TMEM117: variants seen among roughly 807,000 people sequenced by gnomAD.
TMEM117 encodes the protein transmembrane protein 117.
TMEM117 carries 27 observed loss-of-function variants against 52.4 expected under a neutral mutation model. That is an observed-to-expected ratio of 0.51 (90% CI 0.38 to 0.71). The LOEUF (loss-of-function observed/expected upper bound fraction) is 0.71, where lower values mean the gene tolerates loss of function less well. Among genes scored for constraint, TMEM117 ranks in the 30% least tolerant of loss-of-function variants. The pLI is 0.00. For synonymous variants in TMEM117, 215 were observed against 206.3 expected (o/e 1.04, Z -0.36); for missense variants, 556 against 630.5 (o/e 0.88, Z 1.26).
intron 4 of TMEM117, among the ~76,000 whole-genome samples, chr12:44,205,921 G>A (rs2138382077): frequency 6.6e-6 from 1 of 152,194 alleles, no homozygotes; most frequent in East Asian, 1.9e-4. Flanking sequence ...CATATGCCGA[G>A]ACCAGCTCTG....
At chr12:44,229,794 A>G (rs1949910086) in intron 5 of TMEM117, among the ~76,000 whole-genome samples, 1 of 152,160 alleles carries the variant, frequency 6.6e-6, no homozygotes, top group South Asian at 2.1e-4. Flanking sequence ...CTACATTGGA[A>G]GAAAATTTGT....
intron 5 of TMEM117, among the ~76,000 whole-genome samples, chr12:44,298,845 G>C (rs746100476): frequency 6.6e-6 from 1 of 150,684 alleles, no homozygotes; most frequent in Non-Finnish European, 1.5e-5. Flanking sequence ...AAGTCTTAGA[G>C]ATGGTGATGA....
At chr12:44,295,617 A>C (rs868441568) in intron 5 of TMEM117, among the ~76,000 whole-genome samples, 18 of 150,028 alleles carry the variant, frequency 1.2e-4, no homozygotes, top group African/African-American at 4.2e-4. Flanking sequence ...TAAATATGAT[A>C]TTGTAGCTCT....
intron 6 of TMEM117, among the ~76,000 whole-genome samples, chr12:44,330,732 A>G (rs971059054): frequency 6.6e-6 from 1 of 152,036 alleles, no homozygotes; most frequent in East Asian, 1.9e-4. Context: ...AAAACAACCA[A>G]TGATCATATG....
intron 4 of TMEM117, among the ~76,000 whole-genome samples, chr12:44,155,421 T>A (rs1948812465): frequency 6.6e-6 from 1 of 152,112 alleles, no homozygotes; most frequent in Non-Finnish European, 1.5e-5. Flanking sequence ...TCCCTAGACT[T>A]GCTGGTTTGG....
intron 2 of TMEM117, among the ~76,000 whole-genome samples, chr12:43,887,887 C>A (rs1944026049): frequency 6.6e-6 from 1 of 152,138 alleles, no homozygotes; most frequent in Non-Finnish European, 1.5e-5. Flanking sequence ...GCAGGTGAGA[C>A]CATTTGTTTG....
chr12:44,274,581 G>A (rs1332085104), intron 5 of TMEM117, among the ~76,000 whole-genome samples: 1 of 152,076 alleles, frequency 6.6e-6, no homozygotes, highest in Non-Finnish European at 1.5e-5. Context: ...AACCAAAACA[G>A]CATACTACTG....
In TMEM117 at chr12:44,291,050, G is replaced by A. The variant is rs145125866; in HGVS notation, c.609-8530G>A. Among the ~76,000 whole-genome samples, 856 of 152,224 alleles carry A rather than the reference G, an allele frequency of 5.6e-3. 4 individuals carry two copies. The highest frequency in any genetic ancestry group is 9.7e-3 in the Non-Finnish European group (659 of 68,022). On this transcript the variant is annotated intron_variant, in intron 5 of 7. Transcript: ENST00000266534. ...GAAAAATGCCATTGGAATTTTTATA[G>A]GGATTACATTGAATCTGTAGATTTA...
intron 6 of TMEM117, among the ~76,000 whole-genome samples, chr12:44,338,847 T>C (rs1951378011): frequency 1.3e-5 from 2 of 152,106 alleles, no homozygotes; most frequent in Admixed American, 6.6e-5. Context: ...CTAGCTAGTT[T>C]AAGTAGAAAG....
intron 5 of TMEM117, among the ~76,000 whole-genome samples, chr12:44,293,310 C>T (rs1950728190): frequency 1.3e-5 from 2 of 151,822 alleles, no homozygotes; most frequent in Non-Finnish European, 2.9e-5. Flanking sequence ...TATGTGTGTC[C>T]TTAAGACTAA....
chr12:44,114,091 G>A (rs900267689), intron 3 of TMEM117, among the ~76,000 whole-genome samples: 28 of 148,650 alleles, frequency 1.9e-4, no homozygotes, highest in Admixed American at 1.3e-3. Context: ...ACACACACTG[G>A]CCTGCGCCCA....
At chr12:44,244,125 C>T (rs1950099442) in intron 5 of TMEM117, among the ~76,000 whole-genome samples, 1 of 151,864 alleles carries the variant, frequency 6.6e-6, no homozygotes, top group Non-Finnish European at 1.5e-5. Context: ...TTTCAATACT[C>T]TTGTATATAT....
intron 6 of TMEM117, among the ~76,000 whole-genome samples, chr12:44,324,573 T>A (rs1053500716): frequency 6.6e-6 from 1 of 152,114 alleles, no homozygotes; most frequent in Non-Finnish European, 1.5e-5. Context: ...GGAAAAAAAA[T>A]TGAAAGACTA....
At chr12:44,395,315 C>T in the TMEM117 span, among the ~76,000 whole-genome samples, 5 of 152,168 alleles carry the variant, frequency 3.3e-5, no homozygotes, top group African/African-American at 1.2e-4. Flanking sequence ...ACTTCTGTCT[C>T]CTATAATTGG....
At chr12:44,190,875 A>G (rs1949342671) in intron 4 of TMEM117, among the ~76,000 whole-genome samples, 1 of 148,490 alleles carries the variant, frequency 6.7e-6, no homozygotes, top group Non-Finnish European at 1.5e-5. Context: ...AGAGAGAGAT[A>G]CATACATACA....
At position 44,094,514 on chromosome 12, in the gene TMEM117, A is replaced by G. The variant is rs149094979; in HGVS notation, c.411-49011A>G. 2.7e-4 allele frequency among the ~76,000 whole-genome samples: 41 copies of G among 152,288 alleles called. No individual in the cohort carries two copies. The East Asian group carries it at 7.9e-3, about 29-fold the overall frequency. On this transcript the variant is annotated intron_variant, in intron 3 of 7. Coordinates refer to ENST00000266534, the MANE Select transcript of TMEM117 (RefSeq NM_032256.3). ...CCAGAAGGAGTAATGAAAGAAATGCATTAGTGAAAAGTATTAAAAAATTAC... is the reference window on the plus strand; with the variant it reads ...CCAGAAGGAGTAATGAAAGAAATGCGTTAGTGAAAAGTATTAAAAAATTAC...
intron 2 of TMEM117, among the ~76,000 whole-genome samples, chr12:43,938,506 C>T (rs1944990412): frequency 6.6e-6 from 1 of 151,758 alleles, no homozygotes; most frequent in Admixed American, 6.6e-5. Flanking sequence ...GTGCATGTGT[C>T]TTGGGGGAGA....
At chr12:44,223,900 T>C (rs1240270706) in intron 5 of TMEM117, among the ~76,000 whole-genome samples, 1 of 152,204 alleles carries the variant, frequency 6.6e-6, no homozygotes, top group Non-Finnish European at 1.5e-5. Context: ...GTTCTGCCAA[T>C]TGGCTTGGCC....
chr12:44,078,830 G>A (rs1462478994), intron 3 of TMEM117, among the ~76,000 whole-genome samples: 1 of 151,696 alleles, frequency 6.6e-6, no homozygotes, highest in Non-Finnish European at 1.5e-5. Flanking sequence ...ACCTACATTA[G>A]GTATTTCTTC....
Sources: gnomAD v4.1 joint callset for allele counts (sites outside exome capture counted in the v4.1 genomes callset) on GRCh38, gnomAD v4.1.1 for gene constraint, MANE v1.5 for transcripts, NCBI Gene and HGNC (gene_info 2026-07-23, HGNC 2026-07-21) for gene names.